The following ABCA13 variants were observed in gnomAD, a reference collection of about 807,000 sequenced individuals.
The protein encoded by ABCA13 is ATP-binding cassette sub-family A member 13.
A neutral mutation model predicts 478.7 loss-of-function variants in ABCA13; 476 were observed. The ratio of observed to expected loss-of-function variants is 0.99; its 90% confidence interval spans 0.92 to 1.07. ABCA13 has a LOEUF of 1.07. Ranked by LOEUF, ABCA13 falls within the 50% of genes least tolerant of loss-of-function variation. The probability of loss-of-function intolerance (pLI) is 0.00; values close to 1 mark genes in which losing one functional copy is unlikely to be tolerated. For missense variants in ABCA13, 6,060 were observed against 5,910.6 expected (o/e 1.03, Z -0.83); for synonymous variants, 2,252 against 2,158.9 (o/e 1.04, Z -1.20).
intron 31 of ABCA13, among the ~76,000 whole-genome samples, chr7:48,355,140 A>G (rs1809683505): frequency 6.7e-6 from 1 of 149,028 alleles, no homozygotes; most frequent in Non-Finnish European, 1.5e-5. Flanking sequence ...AGACAATTGC[A>G]TTGAATGATA....
chr7:48,480,941 C>G, intron 45 of ABCA13, 95 bp from the exon 46 acceptor site: 1 of 765,764 alleles, frequency 1.3e-6, no homozygotes. Flanking sequence ...AAATTGAAAG[C>G]TAGAGAACAA....
Position 48,219,491 on chromosome 7 carries a change from G to C in ABCA13, c.425G>C (p.Arg142Pro), listed in dbSNP as rs572340175. The change falls in exon 4 of 62, where the codon CGA becomes CCA. Residue 142 changes from arginine (R) to proline (P), a missense_variant. Physicochemically the swap from Arg to Pro is moderately radical, Grantham distance 103. Around this residue, in one of 3 missense-constraint regions of ABCA13, gnomAD observed 4,423 missense variants for 4,309.1 expected, o/e 1.03. Coordinates refer to ENST00000435803, the MANE Select transcript of ABCA13 (RefSeq NM_152701.5). ...AKNLKRLWVE[R>P]SNTPDSSYGS... Reference sequence around the variant, plus strand: ...AACTTAAAAAGACTTTGGGTAGAACGATCCAACACTCCAGGCAAGTAAACC... The same window carrying C: ...AACTTAAAAAGACTTTGGGTAGAACCATCCAACACTCCAGGCAAGTAAACC... 2 of 1,610,324 alleles carry C rather than the reference G, an allele frequency of 1.2e-6. No homozygotes were observed. Among genetic ancestry groups the C allele is most frequent in the African/African-American group, 2.7e-5 (2 of 74,658 alleles).
intron 28 of ABCA13, among the ~76,000 whole-genome samples, chr7:48,336,978 C>T (rs960893319): frequency 5.9e-5 from 9 of 152,176 alleles, no homozygotes; most frequent in African/African-American, 1.7e-4. Context: ...GTGCCTAACT[C>T]GGCCTCAAAA....
At chr7:48,564,669 T>C (rs1786844297) in intron 55 of ABCA13, among the ~76,000 whole-genome samples, 1 of 151,756 alleles carries the variant, frequency 6.6e-6, no homozygotes, top group Non-Finnish European at 1.5e-5. Flanking sequence ...TATATAAAAA[T>C]TTCTTATATA....
At chr7:48,594,938 G>A (rs1483413610) in intron 58 of ABCA13, 125 bp downstream of exon 58, 4 of 775,616 alleles carry the variant, frequency 5.2e-6, no homozygotes, top group Non-Finnish European at 8.4e-6. Context: ...CACAATAATG[G>A]TGATATTATT....
intron 19 of ABCA13, 123 bp from the exon 20 acceptor site, chr7:48,287,837 G>A: frequency 1.4e-6 from 1 of 712,992 alleles, no homozygotes. Flanking sequence ...TGTTCATCTT[G>A]ATGATTTAAG....
chr7:48,435,677 T>A (rs747938229), intron 42 of ABCA13, among the ~76,000 whole-genome samples: 1 of 151,766 alleles, frequency 6.6e-6, no homozygotes, highest in Admixed American at 6.6e-5. Flanking sequence ...TTATTATGTT[T>A]AGGTAGTTTC....
chr7:48,562,721 A>AT (rs1387721177), intron 55 of ABCA13, among the ~76,000 whole-genome samples: 1 of 152,086 alleles, frequency 6.6e-6, no homozygotes, highest in Admixed American at 6.6e-5. Flanking sequence ...TTATTATTTT[A>AT]TTTTTTGGTG....
intron 17 of ABCA13, 57 bp downstream of exon 17, chr7:48,276,622 T>C: frequency 7.0e-7 from 1 of 1,420,026 alleles, no homozygotes; most frequent in Non-Finnish European, 9.8e-7. Context: ...TCAAACTACT[T>C]TATTTTCTGG....
intron 17 of ABCA13, 101 bp from the exon 18 acceptor site, chr7:48,277,993 A>G: frequency 5.3e-6 from 2 of 378,494 alleles, no homozygotes. Context: ...TGATGCTATT[A>G]TAAAACAAAT....
chr7:48,271,344 T>C lies in ABCA13; in HGVS notation c.2121-443T>C, dbSNP rs1431003573. Among the ~76,000 whole-genome samples, 26 of 68,764 alleles carry C rather than the reference T, an allele frequency of 3.8e-4. No homozygotes were observed. In the East Asian group the frequency reaches 0.15, roughly 398 times the overall value. 45.1% of individuals were successfully genotyped at this position (68,764 alleles called of 152,430 possible). On this transcript the variant is annotated intron_variant, in intron 16 of 61. Transcript: ENST00000435803. ...GTATATAGTATTGTTGAAAGAGCAC[T>C]GGAATTTGCCTTCCAGGACTGGGAG...
At position 48,397,653 on chromosome 7, in the gene ABCA13, T is replaced by C. The variant is rs115778764; in HGVS notation, c.11873+5514T>C. On this transcript the variant is annotated intron_variant, in intron 38 of 61. Coordinates refer to ENST00000435803, the MANE Select transcript of ABCA13 (RefSeq NM_152701.5). ...ACCACTGCATTGCACAGTTTTATTT[T>C]TCCATACTTGGATGGGATCAGTATT... Among the ~76,000 whole-genome samples, 1,021 of 152,290 alleles carry C rather than the reference T, an allele frequency of 6.7e-3. 10 individuals carry two copies. Among genetic ancestry groups the C allele is most frequent in the African/African-American group, 0.023 (956 of 41,546 alleles).
intron 55 of ABCA13, among the ~76,000 whole-genome samples, chr7:48,564,204 C>T (rs1786782720): frequency 6.6e-6 from 1 of 151,918 alleles, no homozygotes; most frequent in Admixed American, 6.6e-5. Context: ...ATGTAACTGT[C>T]ATATATGGTC....
At chr7:48,269,910 G>A (rs773518115) in intron 16 of ABCA13, among the ~76,000 whole-genome samples, 1 of 152,160 alleles carries the variant, frequency 6.6e-6, no homozygotes, top group Non-Finnish European at 1.5e-5. Context: ...CAGAAGAAAG[G>A]ACAATGGGAT....
At chr7:48,370,284 G>A (rs1812424026) in intron 32 of ABCA13, among the ~76,000 whole-genome samples, 1 of 152,118 alleles carries the variant, frequency 6.6e-6, no homozygotes, top group African/African-American at 2.4e-5. Flanking sequence ...AGTTCTAGGA[G>A]CTTTTTGGAT....
intron 39 of ABCA13, among the ~76,000 whole-genome samples, chr7:48,407,661 A>G (rs1171619206): frequency 1.3e-5 from 2 of 151,724 alleles, no homozygotes; most frequent in African/African-American, 4.8e-5. Flanking sequence ...GGCTCAAGCA[A>G]TTCTCCTGCC....
At chr7:48,597,941 A>G (rs1379913637) in intron 58 of ABCA13, among the ~76,000 whole-genome samples, 3 of 152,186 alleles carry the variant, frequency 2.0e-5, no homozygotes, top group African/African-American at 7.2e-5. Context: ...ATGAGCCTAC[A>G]TTGACAGCAC....
intron 48 of ABCA13, among the ~76,000 whole-genome samples, chr7:48,493,793 G>T (rs1830041088): frequency 6.6e-6 from 1 of 152,146 alleles, no homozygotes; most frequent in Non-Finnish European, 1.5e-5. Flanking sequence ...ATTCTGATTT[G>T]GTTGATTTGG....
rs773530553 is a variant in ABCA13, at chr7:48,274,251, C to G, written c.4585C>G (p.Pro1529Ala). ...WRYFTELILR[P>A]IEMSDEIPNQ... Reference sequence around the variant, plus strand: ...ATATTTTACTGAATTAATTCTAAGACCAATAGAAATGTCAGATGAAATTCC... The same window carrying G: ...ATATTTTACTGAATTAATTCTAAGAGCAATAGAAATGTCAGATGAAATTCC... The change falls in exon 17 of 62, where the codon CCA (proline) becomes GCA (alanine). Residue 1529 changes from proline (P) to alanine (A), a missense_variant. Pro to Ala is a conservative substitution (Grantham distance 27). Transcript: ENST00000435803. The G allele has an allele frequency of 1.9e-5, 31 of 1,613,004 alleles. No homozygotes were observed. The highest frequency in any genetic ancestry group is 2.6e-5 in the Non-Finnish European group (31 of 1,179,568).
Sources: gnomAD v4.1 joint callset for allele counts (sites outside exome capture counted in the v4.1 genomes callset) on GRCh38, gnomAD v4.1.1 for gene constraint, gnomAD v4.1.1 regional missense constraint, MANE v1.5 for transcripts, NCBI Gene and HGNC (gene_info 2026-07-23, HGNC 2026-07-21) for gene names.